WDR19: variants seen among roughly 807,000 people sequenced by gnomAD.
WDR19 encodes the protein WD repeat-containing protein 19.
Under a neutral mutation model 180.0 loss-of-function variants are expected in WDR19, and 121 were observed. The observed-to-expected ratio is 0.67, with a 90% CI of 0.58 to 0.78. The LOEUF (loss-of-function observed/expected upper bound fraction) is 0.78. Among genes scored for constraint, WDR19 ranks in the 30% least tolerant of loss-of-function variants. The pLI is 0.00. For missense variants in WDR19, 1,450 were observed against 1,640.7 expected (o/e 0.88, Z 2.01); for synonymous variants, 497 against 540.7 (o/e 0.92, Z 1.12).
At position 39,250,750 on chromosome 4, in the gene WDR19, A is replaced by G. The variant is rs549644585; in HGVS notation, c.2730-2396A>G. Among the ~76,000 whole-genome samples, 1,408 of 152,256 alleles carry G rather than the reference A, an allele frequency of 9.2e-3. 22 individuals carry two copies. The highest frequency in any genetic ancestry group is 0.032 in the African/African-American group (1,320 of 41,560). ...AGAGCCAAATCATGAGTGAACTCCC[A>G]TTCACAGTTGCTTCAAAGAGAATAA... On this transcript the variant is annotated intron_variant, in intron 24 of 36. Coordinates refer to ENST00000399820, the MANE Select transcript of WDR19 (RefSeq NM_025132.4).
chr4:39,203,810 G>A, intron 7 of WDR19, 88 bp downstream of exon 7: 1 of 1,241,384 alleles, frequency 8.1e-7, no homozygotes, highest in Non-Finnish European at 1.2e-6. Flanking sequence ...CTAAAATAGT[G>A]ATAAATAAAT....
chr4:39,185,910 T>C (rs1268628270), intron 2 of WDR19, 93 bp downstream of exon 2: 6 of 1,133,402 alleles, frequency 5.3e-6, no homozygotes, highest in African/African-American at 1.6e-5. Flanking sequence ...TTGTTTTTTT[T>C]TTTTAAATGG....
intron 15 of WDR19, among the ~76,000 whole-genome samples, chr4:39,225,928 C>A (rs4974996): frequency 0.45 from 68,359 of 151,844 alleles, 18,331 homozygotes; most frequent in East Asian, 0.62. Context: ...TTATATATGC[C>A]AAATTCCTAA....
chr4:39,242,190 T>C (rs1732027832), intron 21 of WDR19, among the ~76,000 whole-genome samples: 1 of 152,098 alleles, frequency 6.6e-6, no homozygotes, highest in Non-Finnish European at 1.5e-5. Context: ...CCAGCCTCCT[T>C]ATTAGCTGGG....
At position 39,215,846 on chromosome 4, in the gene WDR19, G is replaced by T; in HGVS notation, c.967G>T (p.Gly323Cys). The T allele has an allele frequency of 6.2e-7, 1 of 1,604,562 alleles. No homozygotes were observed. The highest frequency in any genetic ancestry group is 1.7e-5 in the Admixed American group (1 of 58,338). Reference protein sequence around the residue: ...LNLDEENKGLGTLSWTDDGQL... With the variant: ...LNLDEENKGLCTLSWTDDGQL... Reference sequence around the variant, plus strand: ...TATTTTGTCGATTATTTCAGGATTGGGTACCTTGTCCTGGACTGATGATGG... The same window carrying T: ...TATTTTGTCGATTATTTCAGGATTGTGTACCTTGTCCTGGACTGATGATGG... Residue 323 changes from glycine (G) to cysteine (C), a missense_variant, in exon 11 of 37, where the codon GGT becomes TGT. Gly to Cys is a radical substitution (Grantham distance 159). Transcript: ENST00000399820.
chr4:39,203,990 T>G (rs1439731804), intron 7 of WDR19, among the ~76,000 whole-genome samples: 1 of 152,186 alleles, frequency 6.6e-6, no homozygotes, highest in East Asian at 1.9e-4. Flanking sequence ...AGGGGTACCT[T>G]GCAGAACAGA....
At chr4:39,281,236 T>TATATATATAGAGAGAG (rs762298152) in intron 36 of WDR19, among the ~76,000 whole-genome samples, 69 of 104,008 alleles carry the variant, frequency 6.6e-4, no homozygotes, top group African/African-American at 1.6e-3. Flanking sequence ...TATATATATA[T>TATATATATAGAGAGAG]AGAGAGAGAG....
At position 39,203,745 on chromosome 4, in the gene WDR19, C is replaced by T. The variant is rs1451817; in HGVS notation, c.603+23C>T. The T allele has an allele frequency of 0.99, 1,587,491 of 1,596,496 alleles. 789,703 individuals carry two copies. The highest frequency in any genetic ancestry group is 1 in the East Asian group (44,610 of 44,610). On this transcript the variant is annotated intron_variant, in intron 7 of 36. Coordinates refer to ENST00000399820, the MANE Select transcript of WDR19 (RefSeq NM_025132.4). ...ATGGTAAGAATTCTAATCAAATCCACGTGCAAATCATTTGGGTAATTTTGT... is the reference window on the plus strand; with the variant it reads ...ATGGTAAGAATTCTAATCAAATCCATGTGCAAATCATTTGGGTAATTTTGT...
intron 10 of WDR19, among the ~76,000 whole-genome samples, chr4:39,215,138 T>C (rs1207713773): frequency 6.6e-6 from 1 of 152,186 alleles, no homozygotes; most frequent in East Asian, 1.9e-4. Flanking sequence ...AGTAATTATG[T>C]TGTCATACTG....
chr4:39,233,852 C>T (rs1275014147), intron 19 of WDR19, among the ~76,000 whole-genome samples: 2 of 152,126 alleles, frequency 1.3e-5, no homozygotes, highest in African/African-American at 4.8e-5. Context: ...TAACTGTGGG[C>T]ACTTGTCATG....
At chr4:39,197,403 GA>G (rs1156601247) in intron 5 of WDR19, among the ~76,000 whole-genome samples, 2 of 139,638 alleles carry the variant, frequency 1.4e-5, no homozygotes, top group Non-Finnish European at 3.0e-5. Flanking sequence ...TCCAGCCTGG[GA>G]AACAGAGCAA....
chr4:39,279,771 G>A (rs1028479921), intron 36 of WDR19, among the ~76,000 whole-genome samples: 2 of 148,080 alleles, frequency 1.4e-5, no homozygotes, highest in African/African-American at 5.0e-5. Flanking sequence ...GCATGATCTC[G>A]GCTTACTGCA....
chr4:39,224,785 C>T (rs1323650900), intron 14 of WDR19, 99 bp from the exon 15 acceptor site: 9 of 1,067,400 alleles, frequency 8.4e-6, no homozygotes, highest in African/African-American at 1.6e-5. Context: ...TGACATTTTT[C>T]TCTTAAAATT....
At chr4:39,217,353 C>A in intron 13 of WDR19, 113 bp downstream of exon 13, 1 of 813,792 alleles carries the variant, frequency 1.2e-6, no homozygotes, top group Non-Finnish European at 2.0e-6. Context: ...ACTAGAAAGC[C>A]AAGTGTGAGT....
chr4:39,222,935 A>G (rs1729847289), intron 14 of WDR19, among the ~76,000 whole-genome samples: 1 of 152,200 alleles, frequency 6.6e-6, no homozygotes, highest in African/African-American at 2.4e-5. Flanking sequence ...TAATTTTGCC[A>G]TTTCAATAAT....
intron 24 of WDR19, among the ~76,000 whole-genome samples, chr4:39,248,022 C>T (rs182432295): frequency 3.9e-5 from 6 of 152,092 alleles, no homozygotes; most frequent in African/African-American, 1.2e-4. Flanking sequence ...AGATACTCCT[C>T]GAGAAGAGCA....
At chr4:39,264,049 C>G (rs147705941) in intron 28 of WDR19, among the ~76,000 whole-genome samples, 27 of 152,122 alleles carry the variant, frequency 1.8e-4, no homozygotes, top group African/African-American at 2.4e-4. Flanking sequence ...ACTGGGAATC[C>G]TGTATTTTTA....
chr4:39,203,564 A>G (rs1727595718), intron 6 of WDR19, 78 bp from the exon 7 acceptor site: 1 of 1,211,944 alleles, frequency 8.3e-7, no homozygotes, highest in African/African-American at 1.5e-5. Context: ...AATGAAAACA[A>G]GTTATCCATT....
At chr4:39,256,903 A>G (rs890902900) in intron 27 of WDR19, among the ~76,000 whole-genome samples, 1 of 152,134 alleles carries the variant, frequency 6.6e-6, no homozygotes, top group African/African-American at 2.4e-5. Context: ...CTCCATGCAA[A>G]ACCATCTTTT....
Sources: gnomAD v4.1 joint callset for allele counts (sites outside exome capture counted in the v4.1 genomes callset) on GRCh38, gnomAD v4.1.1 for gene constraint, MANE v1.5 for transcripts, NCBI Gene and HGNC (gene_info 2026-07-23, HGNC 2026-07-21) for gene names.